Variants in GLUD1 observed in about 807,000 individuals in gnomAD.
GLUD1 encodes glutamate dehydrogenase 1, mitochondrial.
In GLUD1, 22 loss-of-function variants were observed where a neutral mutation model predicts 56.0. The ratio of observed to expected loss-of-function variants is 0.39; its 90% CI spans 0.28 to 0.56. GLUD1 has a LOEUF of 0.56. Ranked by LOEUF, GLUD1 falls within the 20% of genes least tolerant of loss-of-function variation. The pLI is 0.58. For missense variants in GLUD1, 451 were observed against 732.0 expected (o/e 0.62, Z 4.43); for synonymous variants, 223 against 269.9 (o/e 0.83, Z 1.70).
At chr10:87,086,539 A>G (rs1841385477) in intron 1 of GLUD1, among the ~76,000 whole-genome samples, 2 of 152,126 alleles carry the variant, frequency 1.3e-5, no homozygotes, top group African/African-American at 4.8e-5. Flanking sequence ...AAAGGAAAAA[A>G]TTGGCCTGGC....
Position 87,060,769 on chromosome 10 carries a change from C to T in GLUD1, c.1116G>A (p.Leu372=). 6.2e-7 allele frequency: 1 copy of T among 1,614,174 alleles called. No homozygotes were observed. Among genetic ancestry groups the T allele is most frequent in the Non-Finnish European group, 8.5e-7 (1 of 1,180,032 alleles). Residue 372 remains leucine (L), a synonymous_variant, in exon 8 of 13, where the codon TTG becomes TTA. Transcript: ENST00000277865. ...PKAKPYEGSI[L]EADCDILIPA... Reference sequence around the variant, plus strand: ...GGATCAGTATGTCACAGTCGGCCTCCAAGATGCTTCCTTCATAGGGCTTTG... The same window carrying T: ...GGATCAGTATGTCACAGTCGGCCTCTAAGATGCTTCCTTCATAGGGCTTTG...
At chr10:87,060,889 T>C in intron 7 of GLUD1, 26 bp downstream of exon 7, 3 of 1,613,506 alleles carry the variant, frequency 1.9e-6, no homozygotes, top group Non-Finnish European at 2.5e-6. Context: ...ATATTTAGTG[T>C]CTATGCTATA....
chr10:87,076,059 A>C (rs1430256591), intron 2 of GLUD1, 36 bp from the exon 3 acceptor site: 1 of 1,473,660 alleles, frequency 6.8e-7, no homozygotes, highest in Non-Finnish European at 9.4e-7. Context: ...ATTCCATATA[A>C]ATGTTAAAAA....
intron 4 of GLUD1, among the ~76,000 whole-genome samples, 196 bp from the exon 5 acceptor site, chr10:87,068,353 CATA>C (rs1846134276): frequency 6.6e-6 from 1 of 152,178 alleles, no homozygotes; most frequent in African/African-American, 2.4e-5. Flanking sequence ...TACAACATTA[CATA>C]ATAATTTCTC....
chr10:87,053,124 T>G (rs989943697), intron 12 of GLUD1, among the ~76,000 whole-genome samples: 2 of 152,188 alleles, frequency 1.3e-5, no homozygotes, highest in African/African-American at 2.4e-5. Flanking sequence ...TAAATCAGCC[T>G]TATTATTTCT....
chr10:87,087,608 G>A lies in GLUD1; in HGVS notation c.445+6717C>T, dbSNP rs542157811. ...TTCAGGAGCTCTGTGTTGGGAACCA[G>A]GCAAAGAGACCAAATATATTTACTG... On this transcript the variant is annotated intron_variant, in intron 1 of 12. Coordinates refer to ENST00000277865, the MANE Select transcript of GLUD1 (RefSeq NM_005271.5). Among the ~76,000 whole-genome samples, 391 of 152,286 alleles carry A rather than the reference G, an allele frequency of 2.6e-3. 1 individual carries two copies. Among genetic ancestry groups the A allele is most frequent in the Non-Finnish European group, 4.1e-3 (280 of 68,040 alleles).
At chr10:87,058,872 C>T (rs974386540) in intron 10 of GLUD1, among the ~76,000 whole-genome samples, 12 of 151,802 alleles carry the variant, frequency 7.9e-5, no homozygotes, top group African/African-American at 2.9e-4. Context: ...GCCTCGGCGA[C>T]GGAGCGAGAC....
intron 8 of GLUD1, 63 bp downstream of exon 8, chr10:87,060,625 C>A: frequency 6.3e-7 from 1 of 1,599,224 alleles, no homozygotes; most frequent in Non-Finnish European, 8.6e-7. Flanking sequence ...TCAGACTCTT[C>A]TATGACCCCC....
intron 5 of GLUD1, chr10:87,067,660 A>G (rs1846113909): frequency 4.9e-6 from 1 of 205,934 alleles, no homozygotes; most frequent in South Asian, 8.1e-5. Flanking sequence ...TAGCCCAAAT[A>G]TCTCCTCTAG....
Position 87,050,828 on chromosome 10 carries a change from G to T in GLUD1, c.*923C>A, listed in dbSNP as rs1216220398. 2 of 152,152 alleles carry T rather than the reference G, an allele frequency of 1.3e-5. No homozygotes were observed. The highest frequency in any genetic ancestry group is 2.9e-5 in the Non-Finnish European group (2 of 68,018). 9.4% of individuals were successfully genotyped at this position (152,152 alleles called of 1,614,324 possible). A position where few individuals can be genotyped will look rare whatever the true frequency, so the allele number is the denominator to read the frequency against. On this transcript the variant is annotated 3_prime_UTR_variant, in exon 13 of 13. Coordinates refer to ENST00000277865, the MANE Select transcript of GLUD1 (RefSeq NM_005271.5). Reference sequence around the variant, plus strand: ...AGACTCCAAACAGGGAGCCCAAGTGGTTTTTTTCTGGGACACTCTACTTGA... The same window carrying T: ...AGACTCCAAACAGGGAGCCCAAGTGTTTTTTTTCTGGGACACTCTACTTGA...
At chr10:87,078,447 T>G (rs142775462) in intron 1 of GLUD1, among the ~76,000 whole-genome samples, 2,548 of 152,286 alleles carry the variant, frequency 0.017, 18 homozygotes, top group South Asian at 0.022. Flanking sequence ...ATTACTGACT[T>G]TGCATTATAC....
intron 5 of GLUD1, 155 bp downstream of exon 5, chr10:87,067,908 G>A: frequency 3.1e-6 from 2 of 652,068 alleles, no homozygotes; most frequent in Non-Finnish European, 5.6e-6. Flanking sequence ...TACGATTTAA[G>A]AATAGACAAG....
chr10:87,069,514 CAAAA>C (rs374019349), intron 4 of GLUD1, among the ~76,000 whole-genome samples: 4 of 62,610 alleles, frequency 6.4e-5, no homozygotes, highest in African/African-American at 6.0e-5. Context: ...GACTCTGTTT[CAAAA>C]AAAAAAAAAA....
Position 87,090,834 on chromosome 10 carries a change from G to A in GLUD1, c.445+3491C>T, listed in dbSNP as rs543547721. Among the ~76,000 whole-genome samples the A allele has an allele frequency of 2.5e-3, 380 of 152,298 alleles. 2 individuals carry two copies. The highest frequency in any genetic ancestry group is 4.5e-3 in the Non-Finnish European group (304 of 68,022). On this transcript the variant is annotated intron_variant, in intron 1 of 12. Coordinates refer to ENST00000277865, the MANE Select transcript of GLUD1 (RefSeq NM_005271.5). ...CTAAGTTTTGATGGTTGTCAATTGA[G>A]CACAGCAAAATAAGTCAGAAACATT...
At chr10:87,081,866 A>G (rs1217371201) in intron 1 of GLUD1, among the ~76,000 whole-genome samples, 4 of 146,320 alleles carry the variant, frequency 2.7e-5, no homozygotes, top group African/African-American at 1.0e-4. Context: ...TCACTTGTTT[A>G]TCTGCTGACC....
At chr10:87,092,845 A>C (rs1295526775) in intron 1 of GLUD1, among the ~76,000 whole-genome samples, 1 of 152,208 alleles carries the variant, frequency 6.6e-6, no homozygotes, top group Non-Finnish European at 1.5e-5. Flanking sequence ...ACTTCCTCCA[A>C]CATCCTTATT....
At chr10:87,074,706 T>C in intron 3 of GLUD1, 92 bp from the exon 4 acceptor site, 1 of 777,714 alleles carries the variant, frequency 1.3e-6, no homozygotes. Context: ...TTATAGTACA[T>C]TTTCATATGT....
rs186826911 is a variant in GLUD1, at chr10:87,074,431, G to T, written c.646+120C>A. The T allele has an allele frequency of 5.9e-5, 42 of 706,482 alleles. No individual in the cohort carries two copies. In the East Asian group the frequency reaches 1.0e-3, roughly 17 times the overall value. 43.8% of individuals were successfully genotyped at this position (706,482 alleles called of 1,614,324 possible). ...CAAGAGAATTGCTTGAACCCAGGAGGCGGACGAGATCGCACCACTGCACTC... is the reference window on the plus strand; with the variant it reads ...CAAGAGAATTGCTTGAACCCAGGAGTCGGACGAGATCGCACCACTGCACTC... On this transcript the variant is annotated intron_variant, in intron 4 of 12. Transcript: ENST00000277865.
At chr10:87,065,856 G>A (rs1846062436) in intron 5 of GLUD1, among the ~76,000 whole-genome samples, 1 of 152,176 alleles carries the variant, frequency 6.6e-6, no homozygotes, top group African/African-American at 2.4e-5. Context: ...AGGAGGAAAT[G>A]GAGGCACAGA....
Sources: gnomAD v4.1 joint callset for allele counts (sites outside exome capture counted in the v4.1 genomes callset) on GRCh38, gnomAD v4.1.1 for gene constraint, MANE v1.5 for transcripts, NCBI Gene and HGNC (gene_info 2026-07-23, HGNC 2026-07-21) for gene names.